EPS15: variants seen among roughly 807,000 people sequenced by gnomAD.
The protein encoded by EPS15 is epidermal growth factor receptor pathway substrate 15, also known as epidermal growth factor receptor substrate 15.
In EPS15, 72 loss-of-function variants were observed where a neutral mutation model predicts 113.8. That is an observed-to-expected ratio of 0.63 (90% CI 0.52 to 0.77). The LOEUF is 0.77. Ranked by LOEUF, EPS15 falls within the 30% of genes least tolerant of loss-of-function variation. EPS15 has a pLI of 0.00. For synonymous variants in EPS15, 344 were observed against 363.4 expected, an observed-to-expected ratio of 0.95 and a Z score of 0.61; for missense variants, 1,048 against 1,045.8, an observed-to-expected ratio of 1.00 and a Z score of -0.03.
intron 13 of EPS15, among the ~76,000 whole-genome samples, chr1:51,411,416 C>T (rs917807598): frequency 5.9e-5 from 9 of 152,092 alleles, no homozygotes; most frequent in Admixed American, 3.3e-4. Flanking sequence ...CTAACTCTTG[C>T]ACAAAGGACT....
At chr1:51,504,363 T>C (rs1024590977) in intron 1 of EPS15, among the ~76,000 whole-genome samples, 2 of 152,094 alleles carry the variant, frequency 1.3e-5, no homozygotes, top group Admixed American at 6.5e-5. Context: ...TGAACTGTGA[T>C]TGTACCACTG....
At chr1:51,407,436 T>C (rs1171596811) in intron 15 of EPS15, among the ~76,000 whole-genome samples, 1 of 152,128 alleles carries the variant, frequency 6.6e-6, no homozygotes, top group Non-Finnish European at 1.5e-5. Context: ...CGGCCTCAAG[T>C]GATCCATTGC....
intron 21 of EPS15, among the ~76,000 whole-genome samples, chr1:51,391,536 C>T (rs1303515476): frequency 6.6e-5 from 10 of 151,924 alleles, no homozygotes; most frequent in African/African-American, 7.2e-5. Context: ...TGTGAACATA[C>T]GGAGAAGGAT....
chr1:51,478,010 G>T (rs1643943975), intron 2 of EPS15, among the ~76,000 whole-genome samples: 1 of 152,156 alleles, frequency 6.6e-6, no homozygotes, highest in Non-Finnish European at 1.5e-5. Context: ...GGATATCCTT[G>T]TTAACTGTCT....
intron 10 of EPS15, 82 bp downstream of exon 10, chr1:51,446,878 C>A: frequency 8.2e-7 from 1 of 1,213,206 alleles, no homozygotes; most frequent in Non-Finnish European, 1.2e-6. Context: ...GTCCTATTTA[C>A]AAATGACTAA....
chr1:51,485,138 G>A (rs551180195), intron 1 of EPS15, among the ~76,000 whole-genome samples: 28 of 152,246 alleles, frequency 1.8e-4, no homozygotes, highest in Non-Finnish European at 3.7e-4. Flanking sequence ...TTATCATGGA[G>A]CTCTAGTGAC....
At chr1:51,384,862 A>G (rs1468269893) in intron 21 of EPS15, among the ~76,000 whole-genome samples, 1 of 152,240 alleles carries the variant, frequency 6.6e-6, no homozygotes, top group Non-Finnish European at 1.5e-5. Flanking sequence ...CGGTCTTCAC[A>G]AGAAAAGATG....
At chr1:51,394,575 A>C (rs1230759502) in intron 20 of EPS15, 128 bp from the exon 21 acceptor site, 2 of 486,698 alleles carry the variant, frequency 4.1e-6, no homozygotes, top group Non-Finnish European at 7.4e-6. Context: ...TTAGGAACAA[A>C]TGTTTCCCCA....
At chr1:51,398,844 G>A (rs566159325) in intron 20 of EPS15, among the ~76,000 whole-genome samples, 188 bp downstream of exon 20, 1 of 152,210 alleles carries the variant, frequency 6.6e-6, no homozygotes, top group South Asian at 2.1e-4. Context: ...GTTAATTCCA[G>A]TGGGTAATCA....
chr1:51,500,516 TTTTG>T (rs1387815421), intron 1 of EPS15, among the ~76,000 whole-genome samples: 7 of 152,078 alleles, frequency 4.6e-5, no homozygotes, highest in East Asian at 1.9e-4. Flanking sequence ...TCATTGTGGT[TTTTG>T]TTTGTTTTGT....
At chr1:51,505,102 A>G (rs1644475948) in intron 1 of EPS15, among the ~76,000 whole-genome samples, 1 of 152,016 alleles carries the variant, frequency 6.6e-6, no homozygotes, top group Admixed American at 6.6e-5. Context: ...CCTGGGTGAA[A>G]GAGTGAGACT....
At chr1:51,410,624 T>C (rs1366367521) in intron 13 of EPS15, among the ~76,000 whole-genome samples, 1 of 152,158 alleles carries the variant, frequency 6.6e-6, no homozygotes, top group Non-Finnish European at 1.5e-5. Flanking sequence ...GGCTCAGGGA[T>C]TAATAACTCC....
chr1:51,359,671 T>C (rs866418269), intron 24 of EPS15, among the ~76,000 whole-genome samples: 7 of 151,582 alleles, frequency 4.6e-5, no homozygotes, highest in Non-Finnish European at 8.8e-5. Flanking sequence ...GGCAGGAGAA[T>C]TGCTTGAACC....
Position 51,458,649 on chromosome 1 carries a change from A to G in EPS15, c.561+2442T>C, listed in dbSNP as rs180815404. On this transcript the variant is annotated intron_variant, in intron 8 of 24. Coordinates refer to ENST00000371733, the MANE Select transcript of EPS15 (RefSeq NM_001981.3). ...CTCCTCAGGAGGCTGAGGTGGAAGA[A>G]TAACTTGAATCCAGGAGGCCGAGGC... 671 of 408,006 alleles carry G rather than the reference A, an allele frequency of 1.6e-3. 4 individuals are homozygous for G. Among genetic ancestry groups the G allele is most frequent in the Non-Finnish European group, 2.3e-3 (468 of 200,096 alleles). 25.3% of individuals were successfully genotyped at this position (408,006 alleles called of 1,614,324 possible).
chr1:51,465,393 GGTTTTTGGATTTAAATAT>G, intron 5 of EPS15, 67 bp from the exon 6 acceptor site: 1 of 1,142,476 alleles, frequency 8.8e-7, no homozygotes, highest in South Asian at 1.4e-5. Context: ...AAGAAAAAAT[GGTTTTTGGATTTAAATAT>G]GTTCACACAA....
chr1:51,450,379 G>A (rs1653443979), intron 8 of EPS15, among the ~76,000 whole-genome samples: 1 of 151,824 alleles, frequency 6.6e-6, no homozygotes, highest in South Asian at 2.1e-4. Context: ...TGCCTCTCAT[G>A]AGGCCTCAGG....
Position 51,386,475 on chromosome 1 carries a change from C to T in EPS15, c.2119+7906G>A, listed in dbSNP as rs559894346. The stretch of plus-strand genomic sequence containing the variant: ...GCAGCATTTGCGGTTCAAGAAAATC[C>T]GCTGTTCTGCAGCCACCGCTGCTGA... On this transcript the variant is annotated intron_variant, in intron 21 of 24. Coordinates refer to ENST00000371733, the MANE Select transcript of EPS15 (RefSeq NM_001981.3). Among the ~76,000 whole-genome samples, 16 of 152,170 alleles carry T rather than the reference C, an allele frequency of 1.1e-4. 1 individual carries two copies. Among genetic ancestry groups the T allele is most frequent in the South Asian group, 1.0e-3 (5 of 4,822 alleles).
intron 21 of EPS15, among the ~76,000 whole-genome samples, chr1:51,391,661 T>C (rs1251151029): frequency 6.6e-6 from 1 of 151,862 alleles, no homozygotes; most frequent in Non-Finnish European, 1.5e-5. Flanking sequence ...GGAATAATGA[T>C]GAGATATTGT....
intron 21 of EPS15, among the ~76,000 whole-genome samples, chr1:51,383,036 A>G (rs1646976664): frequency 6.6e-6 from 1 of 152,240 alleles, no homozygotes; most frequent in Admixed American, 6.5e-5. Flanking sequence ...ACCATGTCCA[A>G]GTGGGATTTA....
Sources: allele counts gnomAD v4.1 joint callset (sites outside exome capture counted in the v4.1 genomes callset), GRCh38; gene constraint gnomAD v4.1.1; transcripts MANE v1.5; gene names NCBI Gene and HGNC (gene_info 2026-07-23, HGNC 2026-07-21).